PABPC4L: variants seen among roughly 807,000 people sequenced by gnomAD.
The protein encoded by PABPC4L is poly(A) binding protein cytoplasmic 4 like.
For synonymous variants in PABPC4L, 169 were observed against 164.1 expected, an observed-to-expected ratio of 1.03 and a Z score of -0.23; for missense variants, 452 against 451.4, an observed-to-expected ratio of 1.00 and a Z score of -0.01.
In PABPC4L at chr4:134,198,491, T is replaced by C. The variant is rs943808807; in HGVS notation, c.*1416A>G. On this transcript the variant is annotated 3_prime_UTR_variant, in exon 2 of 2. Coordinates refer to ENST00000421491, the MANE Select transcript of PABPC4L (RefSeq NM_001114734.2). ...GCCAAAAAATATTTTACTATTTCTT[T>C]TATATTAGTAATATATGAAATAGAG... 3 of 151,484 alleles carry C rather than the reference T, an allele frequency of 2.0e-5. No individual in the cohort carries two copies. Among genetic ancestry groups the C allele is most frequent in the Non-Finnish European group, 4.4e-5 (3 of 67,674 alleles). 9.4% of individuals were successfully genotyped at this position (151,484 alleles called of 1,614,324 possible).
At chr4:134,098,232 C>T in the PABPC4L span, among the ~76,000 whole-genome samples, 2 of 151,716 alleles carry the variant, frequency 1.3e-5, no homozygotes, top group African/African-American at 4.8e-5. Flanking sequence ...AGCGCTAGCA[C>T]TCCTTTATAT....
chr4:133,964,028 C>G, the PABPC4L span, among the ~76,000 whole-genome samples: 1 of 151,880 alleles, frequency 6.6e-6, no homozygotes, highest in East Asian at 1.9e-4. Flanking sequence ...ATAAATAAAA[C>G]AAAAACCTGT....
chr4:134,085,234 C>T, the PABPC4L span, among the ~76,000 whole-genome samples: 7 of 152,118 alleles, frequency 4.6e-5, no homozygotes, highest in South Asian at 1.5e-3. Flanking sequence ...GTCTCTATCA[C>T]TGTTTTCATA....
chr4:134,160,862 CA>C, the PABPC4L span, among the ~76,000 whole-genome samples: 3 of 151,028 alleles, frequency 2.0e-5, no homozygotes, highest in Non-Finnish European at 3.0e-5. Flanking sequence ...AAAGTAAAAT[CA>C]AAAAAATATA....
At chr4:134,107,499 T>C in the PABPC4L span, among the ~76,000 whole-genome samples, 1 of 151,624 alleles carries the variant, frequency 6.6e-6, no homozygotes, top group Non-Finnish European at 1.5e-5. Flanking sequence ...ATGTACTGTA[T>C]ACATTAAAGT....
At chr4:134,158,813 T>C in the PABPC4L span, among the ~76,000 whole-genome samples, 1 of 152,134 alleles carries the variant, frequency 6.6e-6, no homozygotes, top group South Asian at 2.1e-4. Flanking sequence ...TAGGCAACTT[T>C]GTCATCCTGG....
the PABPC4L span, among the ~76,000 whole-genome samples, chr4:134,070,665 G>A: frequency 6.6e-6 from 1 of 152,056 alleles, no homozygotes; most frequent in African/African-American, 2.4e-5. Context: ...GTCACTGTGG[G>A]CCAGCAAAAT....
At chr4:134,039,691 C>T in the PABPC4L span, among the ~76,000 whole-genome samples, 1 of 151,950 alleles carries the variant, frequency 6.6e-6, no homozygotes, top group African/African-American at 2.4e-5. Flanking sequence ...TTCCTCTATC[C>T]CTTTATGTTG....
chr4:133,978,553 C>CTG, the PABPC4L span, among the ~76,000 whole-genome samples: 589 of 148,898 alleles, frequency 4.0e-3, 1 homozygote, highest in Middle Eastern at 6.9e-3. Flanking sequence ...GAGGTGGAGG[C>CTG]TGTGTGTGTG....
the PABPC4L span, among the ~76,000 whole-genome samples, chr4:134,112,605 T>TCTAA: frequency 9.9e-5 from 15 of 151,508 alleles, no homozygotes; most frequent in Non-Finnish European, 1.9e-4. Context: ...TATCTATCTA[T>TCTAA]CTATCTATCT....
chr4:134,004,365 A>T, the PABPC4L span, among the ~76,000 whole-genome samples: 2 of 151,976 alleles, frequency 1.3e-5, no homozygotes, highest in Non-Finnish European at 2.9e-5. Flanking sequence ...GAAAACATAC[A>T]AAAGGCCAAC....
At chr4:134,068,821 G>A in the PABPC4L span, among the ~76,000 whole-genome samples, 3 of 151,424 alleles carry the variant, frequency 2.0e-5, no homozygotes, top group Admixed American at 2.0e-4. Context: ...TGATTCTCCT[G>A]CCTCAGCCTC....
At chr4:134,075,881 T>C in the PABPC4L span, among the ~76,000 whole-genome samples, 2 of 152,086 alleles carry the variant, frequency 1.3e-5, no homozygotes, top group Non-Finnish European at 2.9e-5. Context: ...GATTCCAAAA[T>C]ATATATTGAT....
the PABPC4L span, among the ~76,000 whole-genome samples, chr4:133,971,006 T>A: frequency 6.6e-6 from 1 of 151,658 alleles, no homozygotes; most frequent in Admixed American, 6.6e-5. Context: ...ACAATCCCCA[T>A]CCATCATGAC....
At chr4:134,102,395 C>CTTA in the PABPC4L span, among the ~76,000 whole-genome samples, 1 of 151,310 alleles carries the variant, frequency 6.6e-6, no homozygotes, top group Non-Finnish European at 1.5e-5. Flanking sequence ...TAAGAATCAC[C>CTTA]TAGGACATTA....
the PABPC4L span, among the ~76,000 whole-genome samples, chr4:134,127,131 C>A: frequency 6.6e-6 from 1 of 151,992 alleles, no homozygotes; most frequent in East Asian, 1.9e-4. Flanking sequence ...AGCAGCAAGC[C>A]CCACTCAAGG....
chr4:134,010,791 C>T, the PABPC4L span: 2 of 152,122 alleles, frequency 1.3e-5, no homozygotes, highest in Admixed American at 6.6e-5. Context: ...TAACAAACCA[C>T]AAGAGGACTG....
At chr4:134,058,891 A>G in the PABPC4L span, among the ~76,000 whole-genome samples, 1 of 152,174 alleles carries the variant, frequency 6.6e-6, no homozygotes, top group Non-Finnish European at 1.5e-5. Flanking sequence ...ATAGAAGAGT[A>G]AATTAGTTTA....
the PABPC4L span, among the ~76,000 whole-genome samples, chr4:133,964,229 T>G: frequency 6.6e-6 from 1 of 152,044 alleles, no homozygotes; most frequent in African/African-American, 2.4e-5. Flanking sequence ...AAGAGATAGA[T>G]AAATTTCTGG....
Sources: gnomAD v4.1 joint callset for allele counts (sites outside exome capture counted in the v4.1 genomes callset) on GRCh38, gnomAD v4.1.1 for gene constraint, MANE v1.5 for transcripts, NCBI Gene and HGNC (gene_info 2026-07-23, HGNC 2026-07-21) for gene names.